DPYSL2: variants seen among roughly 807,000 people sequenced by gnomAD.
DPYSL2 encodes dihydropyrimidinase-related protein 2.
DPYSL2 carries 13 observed loss-of-function variants against 69.9 expected under a neutral mutation model. The observed-to-expected ratio is 0.19, with a 90% CI of 0.12 to 0.30. The LOEUF is 0.30. Ranked by LOEUF, DPYSL2 falls within the 10% of genes least tolerant of loss-of-function variation. DPYSL2 has a pLI of 1.00. For synonymous variants in DPYSL2, 326 were observed against 359.1 expected (o/e 0.91, Z 1.04); for missense variants, 587 against 918.9 (o/e 0.64, Z 4.67).
At position 26,619,191 on chromosome 8, in the gene DPYSL2, T is replaced by C. The variant is rs747164671; in HGVS notation, c.629-4952T>C. The stretch of plus-strand genomic sequence containing the variant: ...TCTGTGCAAGTCATTTTCAGGCTTG[T>C]GTCCTCAGTGGGGACTCTACTCCCT... On this transcript the variant is annotated intron_variant, in intron 3 of 13. Transcript: ENST00000521913. The surrounding 1 kb of genome is among the most constrained non-coding windows in gnomAD (Gnocchi z 4.8). 1.6e-4 allele frequency among the ~76,000 whole-genome samples: 25 copies of C among 152,168 alleles called. No individual in the cohort carries two copies. The highest frequency in any genetic ancestry group is 3.4e-4 in the Non-Finnish European group (23 of 68,030).
At position 26,533,546 on chromosome 8, in the gene DPYSL2, G is replaced by A. The variant is rs1005926068; in HGVS notation, c.354+18867G>A. Among the ~76,000 whole-genome samples, 1 of 152,102 alleles carries A rather than the reference G, an allele frequency of 6.6e-6. No homozygotes were observed. The highest frequency in any genetic ancestry group is 1.5e-5 in the Non-Finnish European group (1 of 68,030). ...CATTTTGAGTTAATTTTTCTATGTG[G>A]TATGAGACAGGGGTCTAACTTCATT... On this transcript the variant is annotated intron_variant, in intron 1 of 13. Transcript: ENST00000521913. This position sits in a 1 kb window ranked among gnomAD's most constrained non-coding sequence, Gnocchi z 4.8.
chr8:26,623,128 T>G lies in DPYSL2; in HGVS notation c.629-1015T>G, dbSNP rs545389143. 4.6e-5 allele frequency among the ~76,000 whole-genome samples: 7 copies of G among 152,240 alleles called. No individual in the cohort carries two copies. In the East Asian group the frequency reaches 1.4e-3, roughly 29 times the overall value. On this transcript the variant is annotated intron_variant, in intron 3 of 13. Coordinates refer to ENST00000521913, the MANE Select transcript of DPYSL2 (RefSeq NM_001197293.3). ...AGAGCTCTTCAAGACCTAGGAGAGA[T>G]AATAGCAGGTGCAAAGTCCCTGTGG...
intron 1 of DPYSL2, among the ~76,000 whole-genome samples, chr8:26,548,700 T>C (rs767558285): frequency 2.6e-5 from 4 of 151,620 alleles, no homozygotes; most frequent in African/African-American, 4.9e-5. Flanking sequence ...CTAAGCACTA[T>C]AGTGAGACCT....
intron 1 of DPYSL2, chr8:26,577,785 G>T: frequency 1.0e-6 from 1 of 990,512 alleles, no homozygotes; most frequent in Non-Finnish European, 1.2e-6. Flanking sequence ...CGCATTTCGC[G>T]CTCTCGCGCC....
chr8:26,534,536 G>T lies in DPYSL2; in HGVS notation c.354+19857G>T, dbSNP rs185712210. Among the ~76,000 whole-genome samples, 422 of 152,262 alleles carry T rather than the reference G, an allele frequency of 2.8e-3. 1 individual carries two copies. Among genetic ancestry groups the T allele is most frequent in the Non-Finnish European group, 4.8e-3 (324 of 68,020 alleles). ...AGTTACCACTGCTAACAGCTGTGTG[G>T]CTGTGTGGCCTTGGTCAACTTACTT... On this transcript the variant is annotated intron_variant, in intron 1 of 13. Coordinates refer to ENST00000521913, the MANE Select transcript of DPYSL2 (RefSeq NM_001197293.3).
rs563021111 is a variant in DPYSL2, at chr8:26,605,333, T to G, written c.629-18810T>G. On this transcript the variant is annotated intron_variant, in intron 3 of 13. Transcript: ENST00000521913. The surrounding 1 kb of genome is among the most constrained non-coding windows in gnomAD (Gnocchi z 4.1). ...TACTATTTTTTTTTATTGCCCAGGC[T>G]GGAGTGCAGTGGTGTGAACTCGGCT... 2.0e-5 allele frequency among the ~76,000 whole-genome samples: 3 copies of G among 152,318 alleles called. No individual in the cohort carries two copies. The East Asian group carries it at 5.8e-4, about 29-fold the overall frequency.
rs959002090 is a variant in DPYSL2, at chr8:26,583,940, C to A, written c.585C>A (p.Phe195Leu). 6.2e-7 allele frequency: 1 copy of A among 1,614,102 alleles called. No individual in the cohort carries two copies. Among genetic ancestry groups the A allele is most frequent in the African/African-American group, 1.3e-5 (1 of 75,026 alleles). ...GAATGACGTCTGCTGATGATTTCTT[C>A]CAAGGAACCAAGGCGGCCCTGGCTG... ...DQGMTSADDF[F>L]QGTKAALAGG... Residue 195 changes from phenylalanine to leucine, a missense_variant, in exon 3 of 14, where the codon TTC becomes TTA. By Grantham distance (22) the Phe-to-Leu change is conservative (BLOSUM62 0). Transcript: ENST00000521913.
intron 1 of DPYSL2, among the ~76,000 whole-genome samples, chr8:26,581,431 T>G (rs1801491184): frequency 1.3e-5 from 2 of 151,932 alleles, no homozygotes; most frequent in Non-Finnish European, 2.9e-5. Context: ...TGGGGTGCAG[T>G]GACGTGATCT....
In DPYSL2 at chr8:26,571,439, T is replaced by C. The variant is rs1248193859; in HGVS notation, c.355-10530T>C. Among the ~76,000 whole-genome samples, 1 of 152,150 alleles carries C rather than the reference T, an allele frequency of 6.6e-6. No individual in the cohort carries two copies. The highest frequency in any genetic ancestry group is 2.4e-5 in the African/African-American group (1 of 41,420). The stretch of plus-strand genomic sequence containing the variant: ...ACCAGAGGGCAGGCCTGAGGCACGA[T>C]GGCTGAGCTAGGTGCCCTTTGTCCC... On this transcript the variant is annotated intron_variant, in intron 1 of 13. Transcript: ENST00000521913. This position sits in a 1 kb window ranked among gnomAD's most constrained non-coding sequence, Gnocchi z 6.1.
intron 1 of DPYSL2, among the ~76,000 whole-genome samples, chr8:26,567,632 G>T (rs1484637191): frequency 6.6e-6 from 1 of 152,266 alleles, no homozygotes; most frequent in African/African-American, 2.4e-5. Flanking sequence ...AGAAGGAGTG[G>T]TCAGCTGGAC....
Position 26,653,528 on chromosome 8 carries a change from A to G in DPYSL2, c.1942+131A>G, listed in dbSNP as rs914719348. 2.9e-6 allele frequency: 3 copies of G among 1,018,664 alleles called. No individual in the cohort carries two copies. Among genetic ancestry groups the G allele is most frequent in the Non-Finnish European group, 4.3e-6 (3 of 694,382 alleles). 63.1% of individuals were successfully genotyped at this position (1,018,664 alleles called of 1,614,324 possible). A position where few individuals can be genotyped will look rare whatever the true frequency, so the allele number is the denominator to read the frequency against. On this transcript the variant is annotated intron_variant, in intron 13 of 13. Transcript: ENST00000521913. This position sits in a 1 kb window ranked among gnomAD's most constrained non-coding sequence, Gnocchi z 5.7. ...ATTCCCTTTCTCTCCAACGTGAGAA[A>G]TACAGTGGACTCAGATCTCTGGAGA...
Position 26,620,193 on chromosome 8 carries a change from A to G in DPYSL2, c.629-3950A>G, listed in dbSNP as rs1168125597. 2.0e-5 allele frequency among the ~76,000 whole-genome samples: 3 copies of G among 152,122 alleles called. No individual in the cohort carries two copies. Among genetic ancestry groups the G allele is most frequent in the Admixed American group, 1.3e-4 (2 of 15,282 alleles). On this transcript the variant is annotated intron_variant, in intron 3 of 13. Coordinates refer to ENST00000521913, the MANE Select transcript of DPYSL2 (RefSeq NM_001197293.3). This position sits in a 1 kb window ranked among gnomAD's most constrained non-coding sequence, Gnocchi z 4.5. ...TTAGATGGCTTGCTTGAGCCTTGCA[A>G]TGGGAATGAGTGCCTTGGCCTAAGG...
chr8:26,561,795 G>T (rs1801075312), intron 1 of DPYSL2, among the ~76,000 whole-genome samples: 4 of 152,154 alleles, frequency 2.6e-5, no homozygotes, highest in Non-Finnish European at 5.9e-5. Context: ...TAGGGTTCGA[G>T]CTCCTATGAA....
intron 1 of DPYSL2, among the ~76,000 whole-genome samples, chr8:26,569,098 T>C (rs1801196094): frequency 6.6e-6 from 1 of 152,046 alleles, no homozygotes; most frequent in Non-Finnish European, 1.5e-5. Flanking sequence ...GGCCCCCAAC[T>C]GTAATCCCAC....
chr8:26,522,044 A>C lies in DPYSL2; in HGVS notation c.354+7365A>C, dbSNP rs187973180. Reference sequence around the variant, plus strand: ...TTTTTAAGGCTGGGCACAGTGGCTCATGCCTGTAATCCCAGCACTTTGGGA... The same window carrying C: ...TTTTTAAGGCTGGGCACAGTGGCTCCTGCCTGTAATCCCAGCACTTTGGGA... On this transcript the variant is annotated intron_variant, in intron 1 of 13. Coordinates refer to ENST00000521913, the MANE Select transcript of DPYSL2 (RefSeq NM_001197293.3). Among the ~76,000 whole-genome samples the C allele has an allele frequency of 3.3e-5, 5 of 152,322 alleles. No individual in the cohort carries two copies. In the East Asian group the frequency reaches 9.6e-4, roughly 29 times the overall value.
At chr8:26,622,500 A>G (rs765081826) in intron 3 of DPYSL2, among the ~76,000 whole-genome samples, 1,127 of 97,216 alleles carry the variant, frequency 0.012, 9 homozygotes, top group African/African-American at 0.018. Context: ...GTGTGTGTAT[A>G]TATATATTTT....
At chr8:26,521,223 T>A (rs1268516847) in intron 1 of DPYSL2, among the ~76,000 whole-genome samples, 1 of 152,236 alleles carries the variant, frequency 6.6e-6, no homozygotes, top group Non-Finnish European at 1.5e-5. Context: ...TGCAAGTGCC[T>A]GGTCTTAAAG....
At chr8:26,631,268 TG>T (rs1375972634) in intron 7 of DPYSL2, among the ~76,000 whole-genome samples, 1 of 152,218 alleles carries the variant, frequency 6.6e-6, no homozygotes, top group Non-Finnish European at 1.5e-5. Context: ...CAGTTCTGCA[TG>T]GCTGGGGAGG....
intron 1 of DPYSL2, among the ~76,000 whole-genome samples, chr8:26,543,732 C>T (rs1219466798): frequency 6.6e-6 from 1 of 152,210 alleles, no homozygotes; most frequent in African/African-American, 2.4e-5. Flanking sequence ...GGTGATCTGC[C>T]CACCTCGGCC....
Sources: allele counts gnomAD v4.1 joint callset (sites outside exome capture counted in the v4.1 genomes callset), GRCh38; gene constraint gnomAD v4.1.1; non-coding constraint Gnocchi (gnomAD v3.1); transcripts MANE v1.5; gene names NCBI Gene and HGNC (gene_info 2026-07-23, HGNC 2026-07-21).